SLC9A9: variants seen among roughly 807,000 people sequenced by gnomAD.
SLC9A9 encodes the protein solute carrier family 9 member A9, also known as sodium/hydrogen exchanger 9.
In SLC9A9, 62 loss-of-function variants were observed where a neutral mutation model predicts 77.8. The observed-to-expected ratio is 0.80, with a 90% CI of 0.65 to 0.98. SLC9A9 has a LOEUF of 0.98. SLC9A9 is among the 50% of genes least tolerant of loss of function. The pLI, the probability that SLC9A9 is intolerant of heterozygous loss-of-function variation, is 0.00. For missense variants in SLC9A9, 775 were observed against 774.9 expected, an observed-to-expected ratio of 1.00 and a Z score of 0.00; for synonymous variants, 320 against 283.5, an observed-to-expected ratio of 1.13 and a Z score of -1.29.
intron 8 of SLC9A9, among the ~76,000 whole-genome samples, chr3:143,556,173 C>T (rs2036976832): frequency 1.3e-5 from 2 of 152,094 alleles, no homozygotes; most frequent in African/African-American, 4.8e-5. Flanking sequence ...TGCCTGAGTC[C>T]TAATTGTGAA....
intron 13 of SLC9A9, among the ~76,000 whole-genome samples, chr3:143,374,820 A>G (rs1283864901): frequency 6.6e-6 from 1 of 152,164 alleles, no homozygotes; most frequent in African/African-American, 2.4e-5. Context: ...ATATACAATT[A>G]AGTTATTATT....
chr3:143,310,582 A>G (rs532917540), intron 14 of SLC9A9, among the ~76,000 whole-genome samples: 4 of 152,270 alleles, frequency 2.6e-5, no homozygotes, highest in Admixed American at 1.3e-4. Flanking sequence ...GAATTTTAGA[A>G]ATGGAGACTT....
intron 4 of SLC9A9, among the ~76,000 whole-genome samples, chr3:143,747,931 C>G (rs1218899610): frequency 6.6e-6 from 1 of 152,110 alleles, no homozygotes; most frequent in Non-Finnish European, 1.5e-5. Context: ...CCATCTAGGC[C>G]ACACTCCAGG....
At chr3:143,463,130 G>T (rs555632163) in intron 12 of SLC9A9, among the ~76,000 whole-genome samples, 4 of 152,324 alleles carry the variant, frequency 2.6e-5, no homozygotes, top group East Asian at 1.9e-4. Context: ...AAGCTGTAAA[G>T]GTTATCTTGT....
At chr3:143,500,054 TATCAC>T (rs2035900804) in intron 9 of SLC9A9, among the ~76,000 whole-genome samples, 1 of 152,184 alleles carries the variant, frequency 6.6e-6, no homozygotes, top group Non-Finnish European at 1.5e-5. Flanking sequence ...GTTACTCAGG[TATCAC>T]AAAACAGATT....
intron 6 of SLC9A9, chr3:143,627,369 G>A (rs1422358450): frequency 1.9e-5 from 4 of 212,826 alleles, no homozygotes; most frequent in Admixed American, 1.3e-4. Flanking sequence ...CTTGGCAGCA[G>A]CAATCACCAT....
At position 143,827,206 on chromosome 3, in the gene SLC9A9, T is replaced by A. The variant is rs114506462; in HGVS notation, c.378+4813A>T. ...AACTTATGTTTGCAAAGCTATCATG[T>A]AATAGGATGTAGGCCCTAAAGGGTT... On this transcript the variant is annotated intron_variant, in intron 2 of 15. Transcript: ENST00000316549. Among the ~76,000 whole-genome samples, 6 of 152,350 alleles carry A rather than the reference T, an allele frequency of 3.9e-5. No homozygotes were observed. In the East Asian group the frequency reaches 1.2e-3, roughly 29 times the overall value.
chr3:143,771,844 G>A (rs2108840349), intron 4 of SLC9A9, among the ~76,000 whole-genome samples: 1 of 152,234 alleles, frequency 6.6e-6, no homozygotes, highest in Non-Finnish European at 1.5e-5. Context: ...ATTTCCCAGG[G>A]GGTGGAGAAG....
At chr3:143,323,309 A>G (rs1559867590) in intron 14 of SLC9A9, among the ~76,000 whole-genome samples, 2 of 152,260 alleles carry the variant, frequency 1.3e-5, no homozygotes, top group South Asian at 2.1e-4. Context: ...GAGATACGGA[A>G]TCAACCTAAG....
intron 9 of SLC9A9, among the ~76,000 whole-genome samples, chr3:143,514,758 A>T (rs1470705924): frequency 6.6e-6 from 1 of 152,208 alleles, no homozygotes; most frequent in East Asian, 1.9e-4. Flanking sequence ...CTTGCTCTGC[A>T]TTAGGCTTTT....
intron 9 of SLC9A9, among the ~76,000 whole-genome samples, chr3:143,538,424 T>C (rs2036629518): frequency 6.6e-6 from 1 of 152,188 alleles, no homozygotes; most frequent in African/African-American, 2.4e-5. Flanking sequence ...CAGAAATGAA[T>C]ACAGGCAGTG....
chr3:143,332,238 A>T (rs568196827), intron 14 of SLC9A9, among the ~76,000 whole-genome samples: 2 of 152,290 alleles, frequency 1.3e-5, no homozygotes, highest in South Asian at 4.1e-4. Flanking sequence ...AAATGGCATG[A>T]ATGGTATTCT....
chr3:143,842,091 A>T lies in SLC9A9; in HGVS notation c.175+6057T>A, dbSNP rs566573062. 8.2e-4 allele frequency among the ~76,000 whole-genome samples: 124 copies of T among 151,834 alleles called. 1 individual carries two copies. Among genetic ancestry groups the T allele is most frequent in the African/African-American group, 2.8e-3 (118 of 41,470 alleles). On this transcript the variant is annotated intron_variant, in intron 1 of 15. Coordinates refer to ENST00000316549, the MANE Select transcript of SLC9A9 (RefSeq NM_173653.4). ...TTAAAATCAACTTTTAAAAACATACAGAGTGCAGGCCGGGCGCGGTGGCTC... is the reference window on the plus strand; with the variant it reads ...TTAAAATCAACTTTTAAAAACATACTGAGTGCAGGCCGGGCGCGGTGGCTC...
intron 5 of SLC9A9, among the ~76,000 whole-genome samples, chr3:143,676,080 A>G (rs1286510695): frequency 6.6e-6 from 1 of 152,162 alleles, no homozygotes. Flanking sequence ...TGAGGAGCAC[A>G]CAACCTAGAT....
intron 2 of SLC9A9, among the ~76,000 whole-genome samples, chr3:143,797,410 A>C (rs1174774518): frequency 6.6e-6 from 1 of 152,192 alleles, no homozygotes; most frequent in Non-Finnish European, 1.5e-5. Flanking sequence ...CTTGGCCATA[A>C]AGCAAGTATG....
At chr3:143,824,541 T>C (rs2009251447) in intron 2 of SLC9A9, among the ~76,000 whole-genome samples, 1 of 152,204 alleles carries the variant, frequency 6.6e-6, no homozygotes. Context: ...TGCCTCCACT[T>C]GGCTCTGGAT....
intron 4 of SLC9A9, among the ~76,000 whole-genome samples, chr3:143,710,183 T>C (rs1420971888): frequency 6.6e-6 from 1 of 152,190 alleles, no homozygotes; most frequent in Non-Finnish European, 1.5e-5. Flanking sequence ...AACATATACA[T>C]TTATATACAC....
chr3:143,579,070 T>G (rs1374959907), intron 6 of SLC9A9, among the ~76,000 whole-genome samples: 2 of 152,210 alleles, frequency 1.3e-5, no homozygotes, highest in Non-Finnish European at 2.9e-5. Context: ...TTAGTGGCCA[T>G]ATGTCTTCAG....
intron 14 of SLC9A9, among the ~76,000 whole-genome samples, chr3:143,338,128 G>T (rs1280190153): frequency 6.6e-6 from 1 of 152,112 alleles, no homozygotes; most frequent in Non-Finnish European, 1.5e-5. Flanking sequence ...TGAAAAACTG[G>T]CTCCGTTATC....
Sources: allele counts gnomAD v4.1 joint callset (sites outside exome capture counted in the v4.1 genomes callset), GRCh38; gene constraint gnomAD v4.1.1; transcripts MANE v1.5; gene names NCBI Gene and HGNC (gene_info 2026-07-23, HGNC 2026-07-21).